The following FGGY variants were observed in gnomAD, a reference collection of about 807,000 sequenced individuals.
FGGY encodes FGGY carbohydrate kinase domain-containing protein.
FGGY carries 72 observed loss-of-function variants against 71.3 expected under a neutral mutation model. The ratio of observed to expected loss-of-function variants is 1.01; its 90% CI spans 0.84 to 1.23. FGGY has a LOEUF of 1.23. Ranked by LOEUF, FGGY falls within the 50% of genes most tolerant of loss-of-function variation. The pLI, the probability that FGGY is intolerant of heterozygous loss-of-function variation, is 0.00. For synonymous variants in FGGY, 251 were observed against 250.3 expected, an observed-to-expected ratio of 1.00 and a Z score of -0.02; for missense variants, 668 against 682.3, an observed-to-expected ratio of 0.98 and a Z score of 0.23.
chr1:59,485,794 A>G (rs897860557), intron 6 of FGGY, among the ~76,000 whole-genome samples: 3 of 152,170 alleles, frequency 2.0e-5, no homozygotes, highest in African/African-American at 7.2e-5. Context: ...CTCATTCAAC[A>G]GTCTTTCTAA....
intron 14 of FGGY, among the ~76,000 whole-genome samples, chr1:59,677,005 C>T (rs1036836684): frequency 3.3e-5 from 5 of 152,034 alleles, no homozygotes; most frequent in Admixed American, 1.3e-4. Context: ...ATGGGACTAT[C>T]GAGATAAAGA....
At chr1:59,393,123 T>A (rs531191647) in intron 5 of FGGY, 6 of 152,378 alleles carry the variant, frequency 3.9e-5, no homozygotes, top group African/African-American at 1.4e-4. Context: ...CATTCAAACC[T>A]ATTTCCGCCC....
intron 14 of FGGY, among the ~76,000 whole-genome samples, chr1:59,679,636 T>C (rs1160873034): frequency 6.6e-6 from 1 of 152,124 alleles, no homozygotes; most frequent in Non-Finnish European, 1.5e-5. Context: ...ATTAACTATT[T>C]AATATTATGG....
chr1:59,378,726 C>G, intron 4 of FGGY, 23 bp from the exon 5 acceptor site: 1 of 1,603,224 alleles, frequency 6.2e-7, no homozygotes, highest in African/African-American at 1.3e-5. Context: ...CTAATTGATT[C>G]TAATATATAT....
chr1:59,609,901 C>T (rs1370882185), intron 9 of FGGY, among the ~76,000 whole-genome samples: 1 of 152,134 alleles, frequency 6.6e-6, no homozygotes, highest in African/African-American at 2.4e-5. Flanking sequence ...TTTTAAGGAG[C>T]TCATACTTGG....
In FGGY at chr1:59,696,853, C is replaced by G. The variant is rs533097074; in HGVS notation, c.1512+22720C>G. Among the ~76,000 whole-genome samples, 17 of 152,268 alleles carry G rather than the reference C, an allele frequency of 1.1e-4. No homozygotes were observed. In the East Asian group the frequency reaches 1.2e-3, roughly 10 times the overall value. ...AACTGGAAGGGCCCTTAGAGATCATCCCACACAAACCCTCTTTTTACAGAT... is the reference window on the plus strand; with the variant it reads ...AACTGGAAGGGCCCTTAGAGATCATGCCACACAAACCCTCTTTTTACAGAT... On this transcript the variant is annotated intron_variant, in intron 14 of 15. Coordinates refer to ENST00000303721, the MANE Select transcript of FGGY (RefSeq NM_018291.5).
chr1:59,659,615 A>G (rs1316440526), intron 11 of FGGY, among the ~76,000 whole-genome samples: 4 of 152,206 alleles, frequency 2.6e-5, no homozygotes, highest in Admixed American at 2.0e-4. Context: ...TCCTGATGGC[A>G]TACAAATCCG....
intron 3 of FGGY, among the ~76,000 whole-genome samples, chr1:59,345,338 T>G (rs1263625174): frequency 6.6e-6 from 1 of 152,164 alleles, no homozygotes; most frequent in Non-Finnish European, 1.5e-5. Flanking sequence ...TTCTGCAACT[T>G]TTGCCATCAG....
chr1:59,718,040 C>G (rs2097857738), intron 14 of FGGY, among the ~76,000 whole-genome samples: 1 of 152,100 alleles, frequency 6.6e-6, no homozygotes, highest in African/African-American at 2.4e-5. Flanking sequence ...TGCAGTTTGG[C>G]CCCTGAGTCC....
chr1:59,457,143 T>C, intron 6 of FGGY, 67 bp downstream of exon 6: 1 of 1,181,752 alleles, frequency 8.5e-7, no homozygotes, highest in Non-Finnish European at 1.3e-6. Flanking sequence ...TTGTTGTTAT[T>C]GTGGTTTGTA....
In FGGY at chr1:59,379,212, G is replaced by T. The variant is rs181281924; in HGVS notation, c.554+375G>T. On this transcript the variant is annotated intron_variant, in intron 5 of 15. Coordinates refer to ENST00000303721, the MANE Select transcript of FGGY (RefSeq NM_018291.5). ...ACACACAGAGTCACGCATTCCTTAA[G>T]GACAGGGATACATTCAGAGAATGTG... is the stretch of plus-strand genomic sequence containing the variant. 2.1e-3 allele frequency among the ~76,000 whole-genome samples: 237 copies of T among 114,952 alleles called. 4 individuals are homozygous for T. In the Admixed American group the frequency reaches 0.021, roughly 10 times the overall value. The allele number at this position is 114,952 out of a possible 152,430, so 75.4% of individuals were successfully genotyped here.
At position 59,426,203 on chromosome 1, in the gene FGGY, C is replaced by T. The variant is rs527521485; in HGVS notation, c.555-30758C>T. On this transcript the variant is annotated intron_variant, in intron 5 of 15. Transcript: ENST00000303721. ...CAGTTCCGCTTTTAGTCAGCAGCTCCCAGTTCCCATAATTTTGACTTCTGT... is the reference window on the plus strand; with the variant it reads ...CAGTTCCGCTTTTAGTCAGCAGCTCTCAGTTCCCATAATTTTGACTTCTGT... Among the ~76,000 whole-genome samples the T allele has an allele frequency of 2.0e-5, 3 of 152,262 alleles. No individual in the cohort carries two copies. The East Asian group carries it at 5.8e-4, about 29-fold the overall frequency.
At chr1:59,344,132 C>A (rs1031492180) in intron 3 of FGGY, among the ~76,000 whole-genome samples, 1 of 152,118 alleles carries the variant, frequency 6.6e-6, no homozygotes, top group Non-Finnish European at 1.5e-5. Context: ...ACAAAAAATT[C>A]TTTGACATTC....
intron 14 of FGGY, among the ~76,000 whole-genome samples, chr1:59,716,293 C>T (rs2097845596): frequency 6.6e-6 from 1 of 152,252 alleles, no homozygotes; most frequent in Non-Finnish European, 1.5e-5. Context: ...TTCTTTTTAC[C>T]TCCTTTCCCA....
chr1:59,352,320 AG>A (rs1265460725), intron 4 of FGGY, among the ~76,000 whole-genome samples: 1 of 152,182 alleles, frequency 6.6e-6, no homozygotes, highest in East Asian at 1.9e-4. Context: ...CGTGGCTTGT[AG>A]GGGCTACATG....
chr1:59,418,538 T>G (rs889962078), intron 5 of FGGY, among the ~76,000 whole-genome samples: 3 of 152,138 alleles, frequency 2.0e-5, no homozygotes, highest in Non-Finnish European at 4.4e-5. Flanking sequence ...GGCAAGTGGT[T>G]ACATTCTTGT....
chr1:59,497,199 C>T (rs990686707), intron 6 of FGGY, among the ~76,000 whole-genome samples: 1 of 152,148 alleles, frequency 6.6e-6, no homozygotes. Context: ...ACATCATCAT[C>T]CTTGGAAAAT....
intron 14 of FGGY, among the ~76,000 whole-genome samples, chr1:59,685,583 G>A (rs2097537743): frequency 6.6e-6 from 1 of 152,132 alleles, no homozygotes; most frequent in Admixed American, 6.5e-5. Flanking sequence ...ATTTGATTCT[G>A]TATCAGGTAG....
chr1:59,605,684 C>A (rs1486799111), intron 8 of FGGY, among the ~76,000 whole-genome samples: 3 of 152,024 alleles, frequency 2.0e-5, no homozygotes, highest in Non-Finnish European at 4.4e-5. Context: ...TGCCTTCCTT[C>A]CCCCCCTTCC....
Sources: allele counts gnomAD v4.1 joint callset (sites outside exome capture counted in the v4.1 genomes callset), GRCh38; gene constraint gnomAD v4.1.1; transcripts MANE v1.5; gene names NCBI Gene and HGNC (gene_info 2026-07-23, HGNC 2026-07-21).